Variants in IRF2BP1 observed in about 807,000 individuals in gnomAD.
The protein encoded by IRF2BP1 is interferon regulatory factor 2 binding protein 1.
IRF2BP1 carries 9 observed loss-of-function variants against 38.6 expected under a neutral mutation model. The ratio of observed to expected loss-of-function variants is 0.23; its 90% CI spans 0.14 to 0.41. IRF2BP1 has a LOEUF of 0.41. Ranked by LOEUF, IRF2BP1 falls within the 10% of genes least tolerant of loss-of-function variation. IRF2BP1 has a pLI of 1.00. For missense variants in IRF2BP1, 631 were observed against 829.6 expected (o/e 0.76, Z 2.94); for synonymous variants, 416 against 383.4 (o/e 1.08, Z -0.99).
rs1359107462 is a variant in IRF2BP1 at position 45,883,657 on chromosome 19, G to C, written c.*363C>G. The C allele has an allele frequency of 1.4e-5, 3 of 210,518 alleles. No individual in the cohort carries two copies. The highest frequency in any genetic ancestry group is 7.2e-5 in the African/African-American group (3 of 41,904). 13.0% of individuals were successfully genotyped at this position (210,518 alleles called of 1,614,324 possible). On this transcript the variant is annotated 3_prime_UTR_variant, in exon 1 of 1. Coordinates refer to ENST00000302165, the MANE Select transcript of IRF2BP1 (RefSeq NM_015649.3). ...TTATTGAAGGAGCAGAAGGGAGCGG[G>C]GGGTGGGGGGGTGGGAATTAAATGC...
rs1487842040 is a variant in IRF2BP1 at position 45,884,649 on chromosome 19, G to A, written c.1126C>T (p.Pro376Ser). The A allele has an allele frequency of 6.2e-7, 1 of 1,600,946 alleles. No individual in the cohort carries two copies. Among genetic ancestry groups the A allele is most frequent in the Non-Finnish European group, 8.5e-7 (1 of 1,177,968 alleles). Residue 376 changes from proline to serine, a missense_variant, in exon 1 of 1, where the codon CCC (proline) becomes TCC (serine). This residue lies in a region of IRF2BP1 where 201 missense variants were observed against 215.3 expected (regional missense o/e 0.93). Transcript: ENST00000302165. ...GATGCCTTGCGACGGCGCGGCGTGG[G>A]CGCCAGGTTCCGGGATGGGGCTCGC... Reference protein sequence around the residue: ...PPRAPSRNLAPTPRRRKASPE... With the variant: ...PPRAPSRNLASTPRRRKASPE...
Position 45,885,421 on chromosome 19 carries a change from T to G in IRF2BP1, c.354A>C (p.Ser118=). 1 of 1,577,542 alleles carries G rather than the reference T, an allele frequency of 6.3e-7. No homozygotes were observed. The highest frequency in any genetic ancestry group is 8.6e-7 in the Non-Finnish European group (1 of 1,162,846). Residue 118 remains serine (S), a synonymous_variant, in exon 1 of 1, where the codon TCA becomes TCC. Coordinates refer to ENST00000302165, the MANE Select transcript of IRF2BP1 (RefSeq NM_015649.3). ...CGGGCGAGGGCAGGGGGAGGCGGCC[T>G]GATGATGTGGCCCTGTCATAGCGGT... ...GQDRYDRATS[S]GRLPLPSPAL... is the part of the protein sequence containing the mutation.
rs749307369 is a variant in IRF2BP1, at chr19:45,884,311, C to A, written c.1464G>T (p.Gly488=). ...GGGTCGCCCCAGTGCCGCTGCCACC[C>A]CCGCTGACAGCTTCGGCCCCCGCTG... is the stretch of plus-strand genomic sequence containing the variant. ...SPTAGAEAVS[G]GGSGTGATPG... The change falls in exon 1 of 1, where the codon GGG becomes GGT. Residue 488 remains glycine, a synonymous_variant. Coordinates refer to ENST00000302165, the MANE Select transcript of IRF2BP1 (RefSeq NM_015649.3). 17 of 1,610,364 alleles carry A rather than the reference C, an allele frequency of 1.1e-5. No individual in the cohort carries two copies. In the African/African-American group the frequency reaches 1.7e-4, roughly 16 times the overall value.
rs776520131 is a variant in IRF2BP1 at position 45,884,426 on chromosome 19, C to G, written c.1349G>C (p.Gly450Ala). The G allele has an allele frequency of 1.3e-6, 2 of 1,598,272 alleles. No individual in the cohort carries two copies. The highest frequency in any genetic ancestry group is 1.7e-6 in the Non-Finnish European group (2 of 1,177,636). ...GGAGGAGGCTGCAGGGCTGGCGCCC[C>G]CTGCACGCACAGGCCCCCCGCCTCC... ...PGGGGGPVRAGGASPAASSTA... is the reference protein window; with the variant it reads ...PGGGGGPVRAAGASPAASSTA... The change falls in exon 1 of 1, where the codon GGG (glycine) becomes GCG (alanine). Residue 450 changes from glycine (G) to alanine (A), a missense_variant. Around this residue, in one of 5 missense-constraint regions of IRF2BP1, gnomAD observed 201 missense variants for 215.3 expected, o/e 0.93. Transcript: ENST00000302165.
At position 45,884,421 on chromosome 19, in the gene IRF2BP1, C is replaced by T; in HGVS notation, c.1354G>A (p.Ala452Thr). The change falls in exon 1 of 1, where the codon GCC (alanine) becomes ACC (threonine). Residue 452 changes from alanine (A) to threonine (T), a missense_variant. Ala to Thr is a moderately conservative substitution (Grantham distance 58). Coordinates refer to ENST00000302165, the MANE Select transcript of IRF2BP1 (RefSeq NM_015649.3). The stretch of plus-strand genomic sequence containing the variant: ...GCCGTGGAGGAGGCTGCAGGGCTGG[C>T]GCCCCCTGCACGCACAGGCCCCCCG... ...GGGGPVRAGG[A>T]SPAASSTAQP... The T allele has an allele frequency of 1.3e-6, 2 of 1,598,482 alleles. No individual in the cohort carries two copies. Among genetic ancestry groups the T allele is most frequent in the Non-Finnish European group, 1.7e-6 (2 of 1,177,624 alleles).
Position 45,884,166 on chromosome 19 carries a change from C to T in IRF2BP1, c.1609G>A (p.Ala537Thr), listed in dbSNP as rs1237300602. 1 of 1,613,028 alleles carries T rather than the reference C, an allele frequency of 6.2e-7. No individual in the cohort carries two copies. The highest frequency in any genetic ancestry group is 8.5e-7 in the Non-Finnish European group (1 of 1,179,918). Reference sequence around the variant, plus strand: ...TACACCTCCCCGGCCGGGCCCTGCGCCTTGATGAACTCCCGGGAGCAGGGA... The same window carrying T: ...TACACCTCCCCGGCCGGGCCCTGCGTCTTGATGAACTCCCGGGAGCAGGGA... ...CFPCSREFIK[A>T]QGPAGEVYCP... The change falls in exon 1 of 1, where the codon GCG (alanine) becomes ACG (threonine). Residue 537 changes from alanine to threonine, a missense_variant. Ala to Thr is a moderately conservative substitution (Grantham distance 58, BLOSUM62 0). Transcript: ENST00000302165.
chr19:45,885,115 C>T lies in IRF2BP1; in HGVS notation c.660G>A (p.Glu220=). 1.9e-6 allele frequency: 3 copies of T among 1,611,718 alleles called. No homozygotes were observed. The highest frequency in any genetic ancestry group is 2.5e-6 in the Non-Finnish European group (3 of 1,180,018). The part of the protein sequence containing the change: ...ELNEAMRGRA[E]EWHGRPKAVR... ...CTGCTTTGGGGCGCCCGTGCCATTC[C>T]TCTGCCCGGCCTCGCATGGCCTCGT... is the stretch of plus-strand genomic sequence containing the variant. The change falls in exon 1 of 1, where the codon GAG becomes GAA. Residue 220 remains glutamate (E), a synonymous_variant. Coordinates refer to ENST00000302165, the MANE Select transcript of IRF2BP1 (RefSeq NM_015649.3).
In IRF2BP1 at chr19:45,885,249, T is replaced by A; in HGVS notation, c.526A>T (p.Ser176Cys). 6.2e-7 allele frequency: 1 copy of A among 1,603,702 alleles called. No individual in the cohort carries two copies. Among genetic ancestry groups the A allele is most frequent in the South Asian group, 1.1e-5 (1 of 91,082 alleles). Reference protein sequence around the residue: ...LLAAAVSGLGSRGLTLAPGLS... With the variant: ...LLAAAVSGLGCRGLTLAPGLS... Reference sequence around the variant, plus strand: ...CCGGGTGCCAGCGTCAGGCCTCGGCTTCCCAGGCCAGACACTGCAGCTGCC... The same window carrying A: ...CCGGGTGCCAGCGTCAGGCCTCGGCATCCCAGGCCAGACACTGCAGCTGCC... Residue 176 changes from serine (S) to cysteine (C), a missense_variant, in exon 1 of 1, where the codon AGC becomes TGC. By Grantham distance (112) the Ser-to-Cys change is moderately radical. Coordinates refer to ENST00000302165, the MANE Select transcript of IRF2BP1 (RefSeq NM_015649.3).
chr19:45,884,090 G>A lies in IRF2BP1; in HGVS notation c.1685C>T (p.Ala562Val). 6.2e-7 allele frequency: 1 copy of A among 1,611,136 alleles called. No homozygotes were observed. Among genetic ancestry groups the A allele is most frequent in the Non-Finnish European group, 8.5e-7 (1 of 1,178,314 alleles). Residue 562 changes from alanine (A) to valine (V), a missense_variant, in exon 1 of 1, where the codon GCC (alanine) becomes GTC (valine). By Grantham distance (64) the Ala-to-Val change is moderately conservative. Around this residue, in one of 5 missense-constraint regions of IRF2BP1, gnomAD observed 58 missense variants for 108.4 expected, o/e 0.54. Transcript: ENST00000302165. ...CPLVGSSVPW[A>V]FMQGEIATIL... ...GGTGGCGATCTCGCCCTGCATGAAG[G>A]CCCAGGGCACGGAGGAGCCGACCAG...
Position 45,883,703 on chromosome 19 carries a change from G to A in IRF2BP1, c.*317C>T, listed in dbSNP as rs1967017742. ...AATGCTTTTGCCTCGTTTATAAAGA[G>A]CGAGTTTTCAGGAGGTCCCTTCTCA... On this transcript the variant is annotated 3_prime_UTR_variant, in exon 1 of 1. Transcript: ENST00000302165. 1 of 308,846 alleles carries A rather than the reference G, an allele frequency of 3.2e-6. No individual in the cohort carries two copies. Among genetic ancestry groups the A allele is most frequent in the African/African-American group, 2.1e-5 (1 of 46,542 alleles). 19.1% of individuals were successfully genotyped at this position (308,846 alleles called of 1,614,324 possible).
In IRF2BP1 at chr19:45,883,923, G is replaced by A; in HGVS notation, c.*97C>T. Reference sequence around the variant, plus strand: ...GAAGAAGGGAGTATGTACACAGATAGAGGTGGCACTGGGCTGGGTCGGGGA... The same window carrying A: ...GAAGAAGGGAGTATGTACACAGATAAAGGTGGCACTGGGCTGGGTCGGGGA... On this transcript the variant is annotated 3_prime_UTR_variant, in exon 1 of 1. Coordinates refer to ENST00000302165, the MANE Select transcript of IRF2BP1 (RefSeq NM_015649.3). 1 of 1,162,718 alleles carries A rather than the reference G, an allele frequency of 8.6e-7. No homozygotes were observed. Among genetic ancestry groups the A allele is most frequent in the Non-Finnish European group, 1.2e-6 (1 of 843,238 alleles). 72.0% of individuals were successfully genotyped at this position (1,162,718 alleles called of 1,614,324 possible).
Position 45,885,135 on chromosome 19 carries a change from C to A in IRF2BP1, c.640G>T (p.Ala214Ser). The A allele has an allele frequency of 6.2e-7, 1 of 1,611,148 alleles. No individual in the cohort carries two copies. The highest frequency in any genetic ancestry group is 8.5e-7 in the Non-Finnish European group (1 of 1,180,024). ...NADCLAELNE[A>S]MRGRAEEWHG... The stretch of plus-strand genomic sequence containing the variant: ...CATTCCTCTGCCCGGCCTCGCATGG[C>A]CTCGTTCAGTTCTGCCAGACAGTCC... Residue 214 changes from alanine (A) to serine (S), a missense_variant, in exon 1 of 1, where the codon GCC becomes TCC. By Grantham distance (99) the Ala-to-Ser change is moderately conservative. This residue lies in a region of IRF2BP1 where 133 missense variants were observed against 232.2 expected (regional missense o/e 0.57). Transcript: ENST00000302165.
chr19:45,883,804 G>A lies in IRF2BP1; in HGVS notation c.*216C>T. The A allele has an allele frequency of 2.2e-6, 1 of 447,924 alleles. No individual in the cohort carries two copies. The highest frequency in any genetic ancestry group is 3.9e-6 in the Non-Finnish European group (1 of 254,060). 27.7% of individuals were successfully genotyped at this position (447,924 alleles called of 1,614,324 possible). On this transcript the variant is annotated 3_prime_UTR_variant, in exon 1 of 1. Transcript: ENST00000302165. ...CCAAGGAGGACAGAGGGAAACTGGAGGGGCCAAGGGACCCCAAACACCCCC... is the reference window on the plus strand; with the variant it reads ...CCAAGGAGGACAGAGGGAAACTGGAAGGGCCAAGGGACCCCAAACACCCCC...
chr19:45,884,655 G>C lies in IRF2BP1; in HGVS notation c.1120C>G (p.Leu374Val). ...TTGCGACGGCGCGGCGTGGGCGCCAGGTTCCGGGATGGGGCTCGCGGGGGT... is the reference window on the plus strand; with the variant it reads ...TTGCGACGGCGCGGCGTGGGCGCCACGTTCCGGGATGGGGCTCGCGGGGGT... ...GPPPRAPSRN[L>V]APTPRRRKAS... The change falls in exon 1 of 1, where the codon CTG (leucine) becomes GTG (valine). Residue 374 changes from leucine (L) to valine (V), a missense_variant. Physicochemically the swap from Leu to Val is conservative, Grantham distance 32. Around this residue, in one of 5 missense-constraint regions of IRF2BP1, gnomAD observed 201 missense variants for 215.3 expected, o/e 0.93. Coordinates refer to ENST00000302165, the MANE Select transcript of IRF2BP1 (RefSeq NM_015649.3). 6.2e-7 allele frequency: 1 copy of C among 1,601,798 alleles called. No homozygotes were observed. Among genetic ancestry groups the C allele is most frequent in the South Asian group, 1.1e-5 (1 of 90,840 alleles).
At position 45,883,914 on chromosome 19, in the gene IRF2BP1, A is replaced by T. The variant is rs1398298515; in HGVS notation, c.*106T>A. 1 of 1,101,002 alleles carries T rather than the reference A, an allele frequency of 9.1e-7. No individual in the cohort carries two copies. Among genetic ancestry groups the T allele is most frequent in the Admixed American group, 2.9e-5 (1 of 34,894 alleles). The allele number at this position is 1,101,002 out of a possible 1,614,324, so 68.2% of individuals were successfully genotyped here. A position where few individuals can be genotyped will look rare whatever the true frequency, so the allele number is the denominator to read the frequency against. On this transcript the variant is annotated 3_prime_UTR_variant, in exon 1 of 1. Coordinates refer to ENST00000302165, the MANE Select transcript of IRF2BP1 (RefSeq NM_015649.3). ...ATCTGGGTGGAAGAAGGGAGTATGT[A>T]CACAGATAGAGGTGGCACTGGGCTG...
At position 45,884,913 on chromosome 19, in the gene IRF2BP1, C is replaced by T; in HGVS notation, c.862G>A (p.Gly288Ser). 7.4e-6 allele frequency: 12 copies of T among 1,613,316 alleles called. No individual in the cohort carries two copies. Among genetic ancestry groups the T allele is most frequent in the Non-Finnish European group, 1.0e-5 (12 of 1,180,032 alleles). The change falls in exon 1 of 1, where the codon GGC (glycine) becomes AGC (serine). Residue 288 changes from glycine to serine, a missense_variant. By Grantham distance (56) the Gly-to-Ser change is moderately conservative (BLOSUM62 0). Coordinates refer to ENST00000302165, the MANE Select transcript of IRF2BP1 (RefSeq NM_015649.3). ...YPCGSGNVYA[G>S]VLAVARQMFH... ...ATCTGGCGAGCCACTGCCAGGACGCCGGCGTACACATTGCCGGAACCACAG... is the reference window on the plus strand; with the variant it reads ...ATCTGGCGAGCCACTGCCAGGACGCTGGCGTACACATTGCCGGAACCACAG...
In IRF2BP1 at chr19:45,884,948, G is replaced by C; in HGVS notation, c.827C>G (p.Thr276Ser). 6.2e-7 allele frequency: 1 copy of C among 1,613,444 alleles called. No homozygotes were observed. The highest frequency in any genetic ancestry group is 8.5e-7 in the Non-Finnish European group (1 of 1,180,050). The change falls in exon 1 of 1, where the codon ACC (threonine) becomes AGC (serine). Residue 276 changes from threonine to serine, a missense_variant. Physicochemically the swap from Thr to Ser is moderately conservative, Grantham distance 58. Transcript: ENST00000302165. ...ATTGCCGGAACCACAGGGGTATTCGGTGAAGAGCTTCAGCTCGAACTCGTA... is the reference window on the plus strand; with the variant it reads ...ATTGCCGGAACCACAGGGGTATTCGCTGAAGAGCTTCAGCTCGAACTCGTA... ...PGYEFELKLF[T>S]EYPCGSGNVY...
At position 45,885,378 on chromosome 19, in the gene IRF2BP1, CCA is replaced by C; in HGVS notation, c.395_396del (p.Leu132ArgfsTer11). 1 of 1,608,450 alleles carries C rather than the reference CCA, an allele frequency of 6.2e-7. No individual in the cohort carries two copies. Among genetic ancestry groups the C allele is most frequent in the Non-Finnish European group, 8.5e-7 (1 of 1,179,062 alleles). ...CCCAGCCCATTGGCCAGGCGGGACC[CCA>C]GAGTGTACTCCAGGGCGGGCGAGGG... ...PLPSPALEYT[L>X]GSRLANGLGR... On this transcript the variant is annotated frameshift_variant, in exon 1 of 1. Coordinates refer to ENST00000302165, the MANE Select transcript of IRF2BP1 (RefSeq NM_015649.3). LOFTEE classifies it high-confidence loss of function.
In IRF2BP1 at chr19:45,884,457, G is replaced by C. The variant is rs755695392; in HGVS notation, c.1318C>G (p.Pro440Ala). The C allele has an allele frequency of 5.0e-6, 8 of 1,599,206 alleles. No homozygotes were observed. The East Asian group carries it at 1.8e-4, about 36-fold the overall frequency. Residue 440 changes from proline to alanine, a missense_variant, in exon 1 of 1, where the codon CCT becomes GCT. By Grantham distance (27) the Pro-to-Ala change is conservative (BLOSUM62 -1). Around this residue, in one of 5 missense-constraint regions of IRF2BP1, gnomAD observed 201 missense variants for 215.3 expected, o/e 0.93. Coordinates refer to ENST00000302165, the MANE Select transcript of IRF2BP1 (RefSeq NM_015649.3). Reference sequence around the variant, plus strand: ...CGCACAGGCCCCCCGCCTCCGCCAGGGTCCTTGGGTGAGTGGCCCAGGGCT... The same window carrying C: ...CGCACAGGCCCCCCGCCTCCGCCAGCGTCCTTGGGTGAGTGGCCCAGGGCT... The part of the protein sequence containing the change: ...AEALGHSPKD[P>A]GGGGGPVRAG...
Sources: allele counts gnomAD v4.1 joint callset, GRCh38; gene constraint gnomAD v4.1.1; regional missense constraint gnomAD v4.1.1; transcripts MANE v1.5; gene names NCBI Gene and HGNC (gene_info 2026-07-23, HGNC 2026-07-21).